SMIM35: variants seen among roughly 807,000 people sequenced by gnomAD.
SMIM35 encodes small integral membrane protein 35.
At chr11:118,040,041 T>A (rs530354786) in intron 1 of SMIM35, among the ~76,000 whole-genome samples, 145 of 81,268 alleles carry the variant, frequency 1.8e-3, no homozygotes, top group African/African-American at 6.2e-3. Flanking sequence ...CAAGACCTTA[T>A]CTCAAAAAAA....
At chr11:118,027,183 G>A (rs1480355807) in intron 1 of SMIM35, among the ~76,000 whole-genome samples, 3 of 142,612 alleles carry the variant, frequency 2.1e-5, no homozygotes, top group African/African-American at 8.0e-5. Flanking sequence ...GCCCGCCACT[G>A]CGCCCGGCTA....
chr11:118,076,007 G>A lies in SMIM35; in HGVS notation c.7+10744C>T, dbSNP rs1455004696. 5.3e-5 allele frequency among the ~76,000 whole-genome samples: 8 copies of A among 152,240 alleles called. No individual in the cohort carries two copies. In the South Asian group the frequency reaches 8.3e-4, roughly 16 times the overall value. On this transcript the variant is annotated intron_variant, in intron 1 of 4. Transcript: ENST00000689828. ...TGTGGGGCTGGGTGCGGTGGCTCAC[G>A]CCATAATCACAGCACTTTGGGAGGC...
chr11:118,016,193 C>T (rs758298482), intron 1 of SMIM35, among the ~76,000 whole-genome samples: 17 of 152,222 alleles, frequency 1.1e-4, no homozygotes, highest in African/African-American at 1.7e-4. Context: ...GAACACAGAC[C>T]GGGGACCCTC....
At chr11:118,058,164 G>A (rs1204012027) in intron 1 of SMIM35, among the ~76,000 whole-genome samples, 2 of 152,118 alleles carry the variant, frequency 1.3e-5, no homozygotes, top group African/African-American at 4.8e-5. Context: ...GTGGCCTGGG[G>A]GCTGGTCACC....
intron 1 of SMIM35, among the ~76,000 whole-genome samples, chr11:118,084,536 C>G (rs1335905766): frequency 6.6e-6 from 1 of 152,226 alleles, no homozygotes; most frequent in African/African-American, 2.4e-5. Context: ...AGCAGCCACA[C>G]CAGCCCAGCA....
At position 118,004,167 on chromosome 11, in the gene SMIM35, C is replaced by T. The variant is rs75960761; in HGVS notation, c.*2243G>A. On this transcript the variant is annotated 3_prime_UTR_variant, in exon 5 of 5. Coordinates refer to ENST00000689828, the MANE Select transcript of SMIM35 (RefSeq NM_001394165.1). ...CATCATGGAGGCCCCATCCTCATGA[C>T]CTCATCTAAACCAATTACCTCCCAG... 270 of 152,356 alleles carry T rather than the reference C, an allele frequency of 1.8e-3. 1 individual carries two copies. Among genetic ancestry groups the T allele is most frequent in the African/African-American group, 6.1e-3 (253 of 41,570 alleles). 9.4% of individuals were successfully genotyped at this position (152,356 alleles called of 1,614,324 possible). A position where few individuals can be genotyped will look rare whatever the true frequency, so the allele number is the denominator to read the frequency against.
At chr11:118,009,576 A>C (rs1218792260) in intron 4 of SMIM35, among the ~76,000 whole-genome samples, 1 of 152,142 alleles carries the variant, frequency 6.6e-6, no homozygotes, top group Non-Finnish European at 1.5e-5. Flanking sequence ...AGAATCCTAG[A>C]CCACTAGGGA....
intron 1 of SMIM35, among the ~76,000 whole-genome samples, chr11:118,057,304 G>C (rs765891591): frequency 6.6e-6 from 1 of 152,172 alleles, no homozygotes; most frequent in Non-Finnish European, 1.5e-5. Flanking sequence ...GAAGGATAAG[G>C]AGAGGCAAGA....
intron 1 of SMIM35, among the ~76,000 whole-genome samples, chr11:118,085,975 G>A (rs1343742515): frequency 6.6e-6 from 1 of 152,220 alleles, no homozygotes; most frequent in Non-Finnish European, 1.5e-5. Context: ...GAGAAGGATC[G>A]CAGAGGGATT....
At chr11:118,054,842 T>C (rs2035882666) in intron 1 of SMIM35, among the ~76,000 whole-genome samples, 2 of 151,480 alleles carry the variant, frequency 1.3e-5, no homozygotes, top group East Asian at 3.9e-4. Flanking sequence ...TTTGTTCTGT[T>C]ACCCAGGCTG....
rs922686348 is a variant in SMIM35 at position 118,004,304 on chromosome 11, G to A, written c.*2106C>T. On this transcript the variant is annotated 3_prime_UTR_variant, in exon 5 of 5. Transcript: ENST00000689828. Reference sequence around the variant, plus strand: ...GGCTTATACAATAGTCTAATCAAATGACAGTATTGAGCAGGGGCAGTGGGA... The same window carrying A: ...GGCTTATACAATAGTCTAATCAAATAACAGTATTGAGCAGGGGCAGTGGGA... 2.6e-5 allele frequency: 4 copies of A among 152,234 alleles called. No individual in the cohort carries two copies. Among genetic ancestry groups the A allele is most frequent in the African/African-American group, 7.2e-5 (3 of 41,440 alleles). 9.4% of individuals were successfully genotyped at this position (152,234 alleles called of 1,614,324 possible). A position where few individuals can be genotyped will look rare whatever the true frequency, so the allele number is the denominator to read the frequency against.
At chr11:118,074,038 AG>A (rs1404323741) in intron 1 of SMIM35, among the ~76,000 whole-genome samples, 1 of 152,194 alleles carries the variant, frequency 6.6e-6, no homozygotes, top group Non-Finnish European at 1.5e-5. Flanking sequence ...TGGGTGAGGA[AG>A]GCTCTGGCCT....
intron 1 of SMIM35, among the ~76,000 whole-genome samples, chr11:118,021,624 C>T (rs1056000153): frequency 6.6e-6 from 1 of 151,964 alleles, no homozygotes; most frequent in African/African-American, 2.4e-5. Flanking sequence ...AAAAACTAAT[C>T]AAAGGAAAGC....
intron 1 of SMIM35, among the ~76,000 whole-genome samples, chr11:118,022,921 G>A (rs1415744885): frequency 6.6e-6 from 1 of 151,262 alleles, no homozygotes; most frequent in Non-Finnish European, 1.5e-5. Flanking sequence ...TCAGCCTAAG[G>A]CTAATTATTT....
chr11:118,034,299 T>G (rs1035878086), intron 1 of SMIM35, among the ~76,000 whole-genome samples: 19 of 151,974 alleles, frequency 1.3e-4, no homozygotes, highest in African/African-American at 4.4e-4. Flanking sequence ...AAAAAAGAAA[T>G]AAAATAAAAT....
At chr11:118,056,936 A>C (rs1944321803) in intron 1 of SMIM35, among the ~76,000 whole-genome samples, 1 of 152,058 alleles carries the variant, frequency 6.6e-6, no homozygotes, top group Non-Finnish European at 1.5e-5. Context: ...AGGTGCAAGG[A>C]GGTGGTGAAG....
At chr11:118,078,093 G>A (rs573552505) in intron 1 of SMIM35, among the ~76,000 whole-genome samples, 21 of 150,816 alleles carry the variant, frequency 1.4e-4, no homozygotes, top group African/African-American at 4.6e-4. Flanking sequence ...ACAATCTAGG[G>A]TGTTTGTGGT....
chr11:118,012,891 G>A (rs547487508), intron 4 of SMIM35, among the ~76,000 whole-genome samples: 2 of 152,338 alleles, frequency 1.3e-5, no homozygotes, highest in South Asian at 2.1e-4. Context: ...GCAGGTAACT[G>A]GAGATACTAC....
At chr11:118,052,055 C>T (rs891742685) in intron 1 of SMIM35, among the ~76,000 whole-genome samples, 4 of 152,096 alleles carry the variant, frequency 2.6e-5, no homozygotes, top group South Asian at 2.1e-4. Flanking sequence ...TGGCAAAGAG[C>T]GGGAACTCTT....
Sources: allele counts gnomAD v4.1 joint callset (sites outside exome capture counted in the v4.1 genomes callset), GRCh38; gene constraint gnomAD v4.1.1; transcripts MANE v1.5; gene names NCBI Gene and HGNC (gene_info 2026-07-23, HGNC 2026-07-21).